Variants in ZFHX3 observed in about 807,000 individuals in gnomAD.
ZFHX3 encodes the protein zinc finger homeobox 3.
A neutral mutation model predicts 279.1 loss-of-function variants in ZFHX3; 42 were observed. That is an observed-to-expected ratio of 0.15 (90% confidence interval 0.12 to 0.19). The LOEUF is 0.19. ZFHX3 is among the 10% of genes least tolerant of loss of function. The pLI is 1.00. For missense variants in ZFHX3, 4,981 were observed against 4,754.0 expected, an observed-to-expected ratio of 1.05 and a Z score of -1.40; for synonymous variants, 2,293 against 1,957.8, an observed-to-expected ratio of 1.17 and a Z score of -4.52.
At chr16:72,877,749 C>T (rs1014479088) in intron 4 of ZFHX3, among the ~76,000 whole-genome samples, 2 of 152,184 alleles carry the variant, frequency 1.3e-5, no homozygotes, top group East Asian at 1.9e-4. Flanking sequence ...CAAGCACGTG[C>T]GTGGATTCTT....
Position 72,957,596 on chromosome 16 carries a change from G to C in ZFHX3, c.2550C>G (p.Leu850=). ...TQIQHNRHLG[L]GSLPSPAEAE... The stretch of plus-strand genomic sequence containing the variant: ...CCTCGGCGGGTGAGGGCAGGCTGCC[G>C]AGGCCCAGGTGGCGGTTGTGTTGGA... Residue 850 remains leucine (L), a synonymous_variant, in exon 2 of 10, where the codon CTC becomes CTG. Transcript: ENST00000268489. 1 of 1,614,134 alleles carries C rather than the reference G, an allele frequency of 6.2e-7. No individual in the cohort carries two copies. The highest frequency in any genetic ancestry group is 8.5e-7 in the Non-Finnish European group (1 of 1,180,028).
At chr16:73,650,332 C>A (rs539761569) in intron 2 of ZFHX3, among the ~76,000 whole-genome samples, 1 of 149,976 alleles carries the variant, frequency 6.7e-6, no homozygotes, top group Non-Finnish European at 1.5e-5. Flanking sequence ...TTGCCCTAAG[C>A]GCATTTTCCA....
chr16:73,483,577 T>C, intron 2 of ZFHX3: 1 of 326,860 alleles, frequency 3.1e-6, no homozygotes, highest in South Asian at 2.3e-5. Flanking sequence ...TACAAGGGCC[T>C]ACCAGACCCT....
At chr16:73,882,426 T>C (rs1194591692) in intron 1 of ZFHX3, among the ~76,000 whole-genome samples, 1 of 152,104 alleles carries the variant, frequency 6.6e-6, no homozygotes, top group Non-Finnish European at 1.5e-5. Context: ...ACATGATCAG[T>C]GAACTTATAT....
chr16:73,791,485 C>T (rs139529902), intron 1 of ZFHX3, among the ~76,000 whole-genome samples: 8 of 152,088 alleles, frequency 5.3e-5, no homozygotes, highest in African/African-American at 1.2e-4. Context: ...AGTGCAGCGG[C>T]GCCATCTTGG....
chr16:72,800,202 T>A, intron 7 of ZFHX3, 73 bp from the exon 8 acceptor site: 2 of 1,342,714 alleles, frequency 1.5e-6, no homozygotes, highest in Non-Finnish European at 2.1e-6. Flanking sequence ...AAAAATTATT[T>A]AATAAGCAAA....
intron 3 of ZFHX3, among the ~76,000 whole-genome samples, chr16:73,440,407 G>A (rs941672711): frequency 1.3e-5 from 2 of 152,116 alleles, no homozygotes; most frequent in Non-Finnish European, 2.9e-5. Context: ...GACAGAAAAC[G>A]AACACAAGAC....
intron 7 of ZFHX3, among the ~76,000 whole-genome samples, chr16:73,109,979 GC>G (rs1378551885): frequency 6.6e-6 from 1 of 152,166 alleles, no homozygotes; most frequent in Admixed American, 6.5e-5. Context: ...AGTGGCTCAT[GC>G]CTGTAATCCC....
chr16:73,674,732 C>T (rs2052937187), intron 2 of ZFHX3, among the ~76,000 whole-genome samples: 1 of 152,150 alleles, frequency 6.6e-6, no homozygotes, highest in African/African-American at 2.4e-5. Flanking sequence ...TCGAAAAGTG[C>T]TTATATGTTG....
At chr16:73,497,435 G>A (rs2019160597) in intron 2 of ZFHX3, among the ~76,000 whole-genome samples, 1 of 152,196 alleles carries the variant, frequency 6.6e-6, no homozygotes, top group Non-Finnish European at 1.5e-5. Flanking sequence ...TTGGGAGGAT[G>A]AGGCAAGAGG....
chr16:73,466,794 C>G (rs1044026919), intron 2 of ZFHX3, among the ~76,000 whole-genome samples: 1 of 152,096 alleles, frequency 6.6e-6, no homozygotes, highest in African/African-American at 2.4e-5. Context: ...ATCTCATTTC[C>G]TCTTCAGAGC....
intron 1 of ZFHX3, among the ~76,000 whole-genome samples, chr16:73,709,813 C>A (rs1178913844): frequency 6.6e-6 from 1 of 151,498 alleles, no homozygotes; most frequent in Non-Finnish European, 1.5e-5. Context: ...TGTAAAATAA[C>A]ACCTATGTTA....
chr16:73,250,654 C>T (rs2013454718), intron 5 of ZFHX3, among the ~76,000 whole-genome samples: 1 of 152,142 alleles, frequency 6.6e-6, no homozygotes, highest in South Asian at 2.1e-4. Flanking sequence ...CTGCCTCAGC[C>T]TCTCAAGTAG....
chr16:73,538,489 G>T (rs772433374), intron 2 of ZFHX3, among the ~76,000 whole-genome samples: 11 of 152,076 alleles, frequency 7.2e-5, no homozygotes, highest in Non-Finnish European at 1.5e-4. Flanking sequence ...TTTCTAAAAT[G>T]ACATCTCCCT....
Position 73,347,447 on chromosome 16 carries a change from C to T in ZFHX3, c.-1290-29111G>A, listed in dbSNP as rs116387864. Among the ~76,000 whole-genome samples, 482 of 152,368 alleles carry T rather than the reference C, an allele frequency of 3.2e-3. 1 individual carries two copies. The highest frequency in any genetic ancestry group is 0.011 in the African/African-American group (464 of 41,588). On this transcript the variant is annotated intron_variant, in intron 3 of 17. Transcript: ENST00000641206. ...TCTGTTCCATCTGGGGCATCAGGGA[C>T]TCAGCCTGTTCCTCACCCATAACCT...
intron 2 of ZFHX3, among the ~76,000 whole-genome samples, chr16:73,510,584 G>A (rs1431747496): frequency 2.0e-5 from 3 of 152,198 alleles, no homozygotes; most frequent in African/African-American, 7.2e-5. Context: ...AAATTACGTA[G>A]GGTCACCATG....
At chr16:73,818,397 T>C (rs1960639276) in intron 1 of ZFHX3, among the ~76,000 whole-genome samples, 1 of 152,152 alleles carries the variant, frequency 6.6e-6, no homozygotes, top group African/African-American at 2.4e-5. Flanking sequence ...CCCAATACCA[T>C]GGAGATGGAT....
chr16:73,841,729 C>T (rs370806175), intron 1 of ZFHX3, among the ~76,000 whole-genome samples: 1 of 152,194 alleles, frequency 6.6e-6, no homozygotes, highest in African/African-American at 2.4e-5. Context: ...CCGAAGAGAA[C>T]TTTGCATAAG....
At chr16:73,587,316 G>T (rs1474937415) in intron 2 of ZFHX3, among the ~76,000 whole-genome samples, 1 of 152,174 alleles carries the variant, frequency 6.6e-6, no homozygotes, top group Non-Finnish European at 1.5e-5. Context: ...GAGATGTTTA[G>T]AGGTATACAT....
Sources: gnomAD v4.1 joint callset for allele counts (sites outside exome capture counted in the v4.1 genomes callset) on GRCh38, gnomAD v4.1.1 for gene constraint, MANE v1.5 for transcripts, NCBI Gene and HGNC (gene_info 2026-07-23, HGNC 2026-07-21) for gene names.